DCUN1D2: variants seen among roughly 807,000 people sequenced by gnomAD.
DCUN1D2 encodes DCN1-like protein 2.
Under a neutral mutation model 30.9 loss-of-function variants are expected in DCUN1D2, and 29 were observed. The ratio of observed to expected loss-of-function variants is 0.94; its 90% CI spans 0.70 to 1.28. DCUN1D2 has a LOEUF of 1.28. Ranked by LOEUF, DCUN1D2 falls within the 50% of genes most tolerant of loss-of-function variation. The pLI is 0.00. For synonymous variants in DCUN1D2, 121 were observed against 115.3 expected (o/e 1.05, Z -0.32); for missense variants, 325 against 316.9 (o/e 1.03, Z -0.19).
At chr13:113,480,807 G>T in intron 2 of DCUN1D2, 64 bp from the exon 3 acceptor site, 1 of 1,552,328 alleles carries the variant, frequency 6.4e-7, no homozygotes, top group Non-Finnish European at 8.9e-7. Context: ...AAAATAGGAG[G>T]TTTGAATCCT....
intron 3 of DCUN1D2, chr13:113,480,343 C>T (rs999697689): frequency 2.7e-5 from 10 of 371,002 alleles, no homozygotes; most frequent in African/African-American, 1.9e-4. Flanking sequence ...AAATGAGTTA[C>T]AAAAGGGATT....
intron 4 of DCUN1D2, among the ~76,000 whole-genome samples, chr13:113,471,979 C>T (rs567596304): frequency 3.3e-5 from 5 of 152,176 alleles, no homozygotes; most frequent in Admixed American, 3.3e-4. Context: ...GCCTGGAAAA[C>T]AAAGGTAAGG....
At chr13:113,485,659 T>G (rs2044789343) in intron 1 of DCUN1D2, among the ~76,000 whole-genome samples, 1 of 152,140 alleles carries the variant, frequency 6.6e-6, no homozygotes, top group Admixed American at 6.5e-5. Flanking sequence ...CCAGAAGTTT[T>G]TTTTTTTTTG....
intron 3 of DCUN1D2, among the ~76,000 whole-genome samples, chr13:113,475,075 TACTC>T (rs570852258): frequency 2.6e-5 from 4 of 152,188 alleles, no homozygotes; most frequent in Non-Finnish European, 4.4e-5. Context: ...AAGCAACACT[TACTC>T]AAGTAGAGTA....
intron 3 of DCUN1D2, among the ~76,000 whole-genome samples, chr13:113,478,278 A>G (rs1354131355): frequency 1.3e-5 from 2 of 151,808 alleles, no homozygotes; most frequent in African/African-American, 4.8e-5. Context: ...GTTTTAGTAA[A>G]TTACATTTTT....
intron 4 of DCUN1D2, among the ~76,000 whole-genome samples, chr13:113,471,918 G>T (rs2044522560): frequency 6.6e-6 from 1 of 152,154 alleles, no homozygotes; most frequent in Non-Finnish European, 1.5e-5. Context: ...GGGGCTGCTG[G>T]GGAACACAGA....
rs1386 is a variant in DCUN1D2 at position 113,455,920 on chromosome 13, C to A, written c.*2109G>T. 0.16 allele frequency: 47,299 copies of A among 288,942 alleles called. 4,567 individuals are homozygous for A. The highest frequency in any genetic ancestry group is 0.3 in the African/African-American group (13,741 of 46,072). The allele number at this position is 288,942 out of a possible 1,614,324, so 17.9% of individuals were successfully genotyped here. A position where few individuals can be genotyped will look rare whatever the true frequency, so the allele number is the denominator to read the frequency against. ...AAAAAACCCACAATTTTTGGAAAAG[C>A]CTTTGTCCAATGATTAATATTTTGA... On this transcript the variant is annotated 3_prime_UTR_variant, in exon 7 of 7. Coordinates refer to ENST00000478244, the MANE Select transcript of DCUN1D2 (RefSeq NM_001014283.2).
In DCUN1D2 at chr13:113,484,148, T is replaced by C. The variant is rs1440736811; in HGVS notation, c.4-92A>G. 13 of 1,564,160 alleles carry C rather than the reference T, an allele frequency of 8.3e-6. No individual in the cohort carries two copies. In the Admixed American group the frequency reaches 2.2e-4, roughly 26 times the overall value. ...ACGCCTGCACTTTAACTGGGCAGAA[T>C]TAGAGACAAAGCCTTGCTCTTCATC... is the stretch of plus-strand genomic sequence containing the variant. On this transcript the variant is annotated intron_variant, in intron 1 of 6. Coordinates refer to ENST00000478244, the MANE Select transcript of DCUN1D2 (RefSeq NM_001014283.2).
intron 1 of DCUN1D2, among the ~76,000 whole-genome samples, chr13:113,486,009 T>C (rs372027934): frequency 2.4e-4 from 37 of 152,324 alleles, no homozygotes; most frequent in East Asian, 2.1e-3. Flanking sequence ...TAATTAACTA[T>C]AGAAATATTT....
chr13:113,487,491 C>T (rs888949169), intron 1 of DCUN1D2, among the ~76,000 whole-genome samples: 1 of 152,158 alleles, frequency 6.6e-6, no homozygotes, highest in African/African-American at 2.4e-5. Flanking sequence ...ATCCACACAG[C>T]GCACGACTCC....
In DCUN1D2 at chr13:113,456,264, C is replaced by T. The variant is rs957570129; in HGVS notation, c.*1765G>A. On this transcript the variant is annotated 3_prime_UTR_variant, in exon 7 of 7. Transcript: ENST00000478244. Reference sequence around the variant, plus strand: ...CATCACTGGACCAGCCAGAAGCCAGCGGGGGCCAGGCGGGGTCTGCAGGCT... The same window carrying T: ...CATCACTGGACCAGCCAGAAGCCAGTGGGGGCCAGGCGGGGTCTGCAGGCT... 7.0e-5 allele frequency: 28 copies of T among 398,650 alleles called. No homozygotes were observed. The South Asian group carries it at 1.9e-3, about 27-fold the overall frequency. 24.7% of individuals were successfully genotyped at this position (398,650 alleles called of 1,614,324 possible).
intron 5 of DCUN1D2, among the ~76,000 whole-genome samples, chr13:113,460,309 C>T (rs1465582929): frequency 1.3e-5 from 2 of 152,242 alleles, no homozygotes; most frequent in African/African-American, 4.8e-5. Flanking sequence ...AAGTCTGTGT[C>T]ACCTGGTGTC....
intron 4 of DCUN1D2, among the ~76,000 whole-genome samples, chr13:113,472,897 G>A (rs933918988): frequency 4.0e-4 from 61 of 152,158 alleles, no homozygotes; most frequent in African/African-American, 1.3e-3. Flanking sequence ...GGGCCGAGAC[G>A]CGTCTCAGCA....
chr13:113,466,748 T>A (rs892199344), intron 4 of DCUN1D2, among the ~76,000 whole-genome samples: 2 of 151,152 alleles, frequency 1.3e-5, no homozygotes, highest in African/African-American at 4.9e-5. Context: ...TGAATCCAGG[T>A]GGACGGGATG....
chr13:113,465,702 T>C (rs1187172989), intron 4 of DCUN1D2, among the ~76,000 whole-genome samples: 1 of 150,968 alleles, frequency 6.6e-6, no homozygotes, highest in Non-Finnish European at 1.5e-5. Context: ...GGTCTGGCTC[T>C]GTCGCCCAGG....
At chr13:113,482,312 C>T (rs943690543) in intron 2 of DCUN1D2, among the ~76,000 whole-genome samples, 2 of 152,136 alleles carry the variant, frequency 1.3e-5, no homozygotes, top group African/African-American at 4.8e-5. Flanking sequence ...CAATAACACC[C>T]AAAGACACAA....
At chr13:113,483,797 C>A (rs775346129) in intron 2 of DCUN1D2, 43 bp downstream of exon 2, 4 of 1,590,418 alleles carry the variant, frequency 2.5e-6, no homozygotes, top group African/African-American at 1.3e-5. Context: ...AGGCCGCTCG[C>A]GGAGGCCGAC....
At chr13:113,482,872 G>A (rs2044734456) in intron 2 of DCUN1D2, among the ~76,000 whole-genome samples, 1 of 152,014 alleles carries the variant, frequency 6.6e-6, no homozygotes, top group African/African-American at 2.4e-5. Context: ...GAATGTGGGA[G>A]GCAGAGGATG....
At chr13:113,461,773 A>G (rs1367911580) in intron 4 of DCUN1D2, among the ~76,000 whole-genome samples, 1 of 152,218 alleles carries the variant, frequency 6.6e-6, no homozygotes, top group African/African-American at 2.4e-5. Flanking sequence ...TGATTATTTC[A>G]CGACTTCTAT....
Sources: gnomAD v4.1 joint callset for allele counts (sites outside exome capture counted in the v4.1 genomes callset) on GRCh38, gnomAD v4.1.1 for gene constraint, MANE v1.5 for transcripts, NCBI Gene and HGNC (gene_info 2026-07-23, HGNC 2026-07-21) for gene names.